HAO1: variants seen among roughly 807,000 people sequenced by gnomAD.
The protein encoded by HAO1 is 2-Hydroxyacid oxidase 1.
In HAO1, 34 loss-of-function variants were observed where a neutral mutation model predicts 39.7. That is an observed-to-expected ratio of 0.86 (90% CI 0.65 to 1.14). The LOEUF is 1.14. Among genes scored for constraint, HAO1 ranks in the 50% most tolerant of loss-of-function variants. The pLI, the probability that HAO1 is intolerant of heterozygous loss-of-function variation, is 0.00. For missense variants in HAO1, 479 were observed against 464.5 expected (o/e 1.03, Z -0.29); for synonymous variants, 172 against 173.2 (o/e 0.99, Z 0.05).
intron 3 of HAO1, among the ~76,000 whole-genome samples, chr20:7,913,597 T>C (rs950772000): frequency 6.6e-6 from 1 of 152,174 alleles, no homozygotes; most frequent in Non-Finnish European, 1.5e-5. Context: ...ATGAAACCTT[T>C]ATAGTTCAAC....
At chr20:7,888,687 T>C (rs908668322) in intron 5 of HAO1, among the ~76,000 whole-genome samples, 3 of 152,154 alleles carry the variant, frequency 2.0e-5, no homozygotes, top group African/African-American at 7.2e-5. Flanking sequence ...ACTGCAAAAA[T>C]GGCTGCAATG....
At chr20:7,898,465 T>G (rs1323809643) in intron 4 of HAO1, among the ~76,000 whole-genome samples, 1 of 152,180 alleles carries the variant, frequency 6.6e-6, no homozygotes, top group Non-Finnish European at 1.5e-5. Flanking sequence ...TACTTTAATT[T>G]CAGTGGAGTC....
At chr20:7,891,575 A>G (rs1176824994) in intron 5 of HAO1, among the ~76,000 whole-genome samples, 2 of 151,948 alleles carry the variant, frequency 1.3e-5, no homozygotes, top group East Asian at 3.9e-4. Flanking sequence ...CTTTGTTTCT[A>G]TTGCATTTGC....
intron 4 of HAO1, among the ~76,000 whole-genome samples, chr20:7,897,394 C>G (rs955354187): frequency 2.0e-5 from 3 of 152,102 alleles, no homozygotes; most frequent in Non-Finnish European, 1.5e-5. Flanking sequence ...CCTGAAACTC[C>G]TATCAGTTGG....
At chr20:7,903,032 A>G (rs1000135874) in intron 4 of HAO1, among the ~76,000 whole-genome samples, 1 of 152,186 alleles carries the variant, frequency 6.6e-6, no homozygotes, top group Non-Finnish European at 1.5e-5. Flanking sequence ...AGGATGGGTG[A>G]CTCTCAGTCA....
At chr20:7,910,103 A>G (rs569858159) in intron 3 of HAO1, among the ~76,000 whole-genome samples, 7 of 152,218 alleles carry the variant, frequency 4.6e-5, no homozygotes, top group Non-Finnish European at 8.8e-5. Flanking sequence ...CTTATTAAGC[A>G]TCTACTACAT....
chr20:7,906,057 G>T, intron 4 of HAO1, 97 bp downstream of exon 4: 1 of 850,556 alleles, frequency 1.2e-6, no homozygotes, highest in Non-Finnish European at 2.0e-6. Context: ...CAATTTCCAT[G>T]TTAATTTTTC....
At chr20:7,908,120 T>C (rs2050257122) in intron 3 of HAO1, among the ~76,000 whole-genome samples, 1 of 152,150 alleles carries the variant, frequency 6.6e-6, no homozygotes, top group Non-Finnish European at 1.5e-5. Flanking sequence ...CTGGGCGCAA[T>C]GGCTCATGCC....
intron 1 of HAO1, among the ~76,000 whole-genome samples, chr20:7,939,966 T>C (rs2050433136): frequency 6.6e-6 from 1 of 152,220 alleles, no homozygotes; most frequent in Non-Finnish European, 1.5e-5. Context: ...CATAAGCATT[T>C]ACTGTCATAC....
chr20:7,893,438 A>T (rs906716104), intron 5 of HAO1, among the ~76,000 whole-genome samples: 5 of 152,186 alleles, frequency 3.3e-5, no homozygotes, highest in African/African-American at 1.2e-4. Flanking sequence ...TAGTCACAAG[A>T]TTAGAAATTA....
rs200105698 is a variant in HAO1 at position 7,934,533 on chromosome 20, C to T, written c.240G>A (p.Thr80=). 1.8e-4 allele frequency: 289 copies of T among 1,612,860 alleles called. No homozygotes were observed. Among genetic ancestry groups the T allele is most frequent in the Non-Finnish European group, 2.2e-4 (265 of 1,179,078 alleles). The change falls in exon 2 of 8, where the codon ACG becomes ACA. Residue 80 remains threonine, a synonymous_variant. Coordinates refer to ENST00000378789, the MANE Select transcript of HAO1 (RefSeq NM_017545.3). ...RVSMPICVGA[T]AMQRMAHVDG... ...CCACATGAGCCATGCGCTGCATGGCCGTAGCCCCCACACATATTGGCATGC... is the reference window on the plus strand; with the variant it reads ...CCACATGAGCCATGCGCTGCATGGCTGTAGCCCCCACACATATTGGCATGC...
intron 4 of HAO1, among the ~76,000 whole-genome samples, chr20:7,902,822 G>T (rs1449153650): frequency 6.6e-6 from 1 of 152,132 alleles, no homozygotes; most frequent in African/African-American, 2.4e-5. Flanking sequence ...TACATGTTAG[G>T]AGCTTGCGTT....
At chr20:7,907,735 C>T (rs1222066210) in intron 3 of HAO1, among the ~76,000 whole-genome samples, 1 of 152,126 alleles carries the variant, frequency 6.6e-6, no homozygotes, top group Middle Eastern at 3.2e-3. Context: ...TTCTCTTGGC[C>T]TAATATCCTG....
At chr20:7,922,553 A>G (rs2050338466) in intron 2 of HAO1, among the ~76,000 whole-genome samples, 1 of 152,140 alleles carries the variant, frequency 6.6e-6, no homozygotes, top group African/African-American at 2.4e-5. Context: ...GAGGACATAT[A>G]TAGGGAGAGA....
At chr20:7,885,672 T>C (rs1245113335) in intron 6 of HAO1, 34 bp downstream of exon 6, 2 of 1,588,146 alleles carry the variant, frequency 1.3e-6, no homozygotes, top group Non-Finnish European at 1.7e-6. Flanking sequence ...TGTCAAGTTG[T>C]CTATTTTATA....
chr20:7,908,938 T>A (rs748834151), intron 3 of HAO1, among the ~76,000 whole-genome samples: 2 of 152,104 alleles, frequency 1.3e-5, no homozygotes, highest in African/African-American at 2.4e-5. Flanking sequence ...TTTTAAATAA[T>A]ATTGTTAATA....
chr20:7,920,023 G>T (rs1432454603), intron 2 of HAO1, among the ~76,000 whole-genome samples: 1 of 152,042 alleles, frequency 6.6e-6, no homozygotes, highest in Non-Finnish European at 1.5e-5. Flanking sequence ...AACTGATAAG[G>T]TTTGGCTTTG....
rs970230802 is a variant in HAO1, at chr20:7,940,214, A to G, written c.137+72T>C. The G allele has an allele frequency of 1.6e-4, 201 of 1,277,866 alleles. 1 individual carries two copies. Among genetic ancestry groups the G allele is most frequent in the Non-Finnish European group, 3.1e-5 (29 of 925,542 alleles). The allele number at this position is 1,277,866 out of a possible 1,614,324, so 79.2% of individuals were successfully genotyped here. On this transcript the variant is annotated intron_variant, in intron 1 of 7. Transcript: ENST00000378789. ...AATAATTACACACCACCAACGTAAAACTAGGAGATCTTATTTTGGTACGGT... is the reference window on the plus strand; with the variant it reads ...AATAATTACACACCACCAACGTAAAGCTAGGAGATCTTATTTTGGTACGGT...
chr20:7,939,906 T>A (rs1023557596), intron 1 of HAO1, among the ~76,000 whole-genome samples: 1 of 152,210 alleles, frequency 6.6e-6, no homozygotes, highest in Non-Finnish European at 1.5e-5. Context: ...GTCTGGTTCA[T>A]CCGGATAAGA....
Sources: gnomAD v4.1 joint callset for allele counts (sites outside exome capture counted in the v4.1 genomes callset) on GRCh38, gnomAD v4.1.1 for gene constraint, MANE v1.5 for transcripts, NCBI Gene and HGNC (gene_info 2026-07-23, HGNC 2026-07-21) for gene names.